Variants in MYO9A observed in about 807,000 individuals in gnomAD.
The protein encoded by MYO9A is myosin IXA, also known as unconventional myosin-IXa.
MYO9A carries 103 observed loss-of-function variants against 293.3 expected under a neutral mutation model. That is an observed-to-expected ratio of 0.35 (90% confidence interval 0.30 to 0.41). The LOEUF is 0.41. MYO9A is among the 10% of genes least tolerant of loss of function. The pLI, the probability that MYO9A is intolerant of heterozygous loss-of-function variation, is 1.00. For missense variants in MYO9A, 2,685 were observed against 3,033.0 expected (o/e 0.89, Z 2.69); for synonymous variants, 1,001 against 1,035.7 (o/e 0.97, Z 0.64).
At chr15:71,973,485 T>C (rs1165030869) in intron 12 of MYO9A, among the ~76,000 whole-genome samples, 1 of 152,146 alleles carries the variant, frequency 6.6e-6, no homozygotes, top group Admixed American at 6.6e-5. Flanking sequence ...GGCTCACTAC[T>C]AAGCAATCTC....
At chr15:71,960,129 G>GA (rs751660110) in intron 13 of MYO9A, 33 bp from the exon 14 acceptor site, 243 of 1,558,238 alleles carry the variant, frequency 1.6e-4, no homozygotes, top group Middle Eastern at 1.0e-3. Flanking sequence ...TTACTTATGG[G>GA]AAAAAAAAAT....
chr15:71,971,626 C>A (rs1017227421), intron 12 of MYO9A, among the ~76,000 whole-genome samples: 2 of 150,518 alleles, frequency 1.3e-5, no homozygotes, highest in African/African-American at 4.9e-5. Context: ...CAAAGTAATT[C>A]TACTACCTCA....
intron 39 of MYO9A, among the ~76,000 whole-genome samples, chr15:71,846,514 AACTGACTCTTAAAT>A: frequency 6.6e-6 from 1 of 152,232 alleles, no homozygotes; most frequent in Admixed American, 6.5e-5. Flanking sequence ...ATATGAAGAG[AACTGACTCTTAAAT>A]ACTAGAATGA....
intron 11 of MYO9A, among the ~76,000 whole-genome samples, chr15:71,986,588 T>A (rs1427446847): frequency 6.6e-6 from 1 of 152,206 alleles, no homozygotes; most frequent in East Asian, 1.9e-4. Flanking sequence ...TATGCTAATA[T>A]GCTATGGTAA....
At chr15:72,036,534 A>G (rs531256530) in intron 2 of MYO9A, 1 of 151,900 alleles carries the variant, frequency 6.6e-6, no homozygotes, top group East Asian at 1.9e-4. Flanking sequence ...GAAGAGAAAA[A>G]CCAACATCCT....
chr15:71,994,234 A>T (rs1032991380), intron 10 of MYO9A, among the ~76,000 whole-genome samples: 1 of 152,168 alleles, frequency 6.6e-6, no homozygotes, highest in Non-Finnish European at 1.5e-5. Flanking sequence ...GCATGATTCT[A>T]TTTACATTTT....
chr15:71,887,902 G>T, intron 27 of MYO9A, 102 bp downstream of exon 27: 1 of 562,734 alleles, frequency 1.8e-6, no homozygotes, highest in East Asian at 3.2e-5. Context: ...TTTCAAAAGT[G>T]GCCTATCAAT....
intron 18 of MYO9A, among the ~76,000 whole-genome samples, chr15:71,925,389 A>G (rs778091687): frequency 1.1e-4 from 16 of 151,392 alleles, no homozygotes; most frequent in Non-Finnish European, 1.6e-4. Flanking sequence ...ATACGTGTAT[A>G]TGGATATATA....
At chr15:71,935,926 A>ACACT (rs1467853740) in intron 16 of MYO9A, among the ~76,000 whole-genome samples, 2 of 151,456 alleles carry the variant, frequency 1.3e-5, no homozygotes, top group African/African-American at 2.4e-5. Flanking sequence ...ACACACACAC[A>ACACT]CACACTCACT....
At chr15:72,101,029 C>A (rs1275411294) in intron 1 of MYO9A, among the ~76,000 whole-genome samples, 4 of 133,424 alleles carry the variant, frequency 3.0e-5, no homozygotes, top group Non-Finnish European at 6.6e-5. Flanking sequence ...GGCGGGTCAG[C>A]CCCCCGCCCG....
chr15:71,942,433 CATA>C (rs945597963), intron 15 of MYO9A, among the ~76,000 whole-genome samples: 14 of 151,972 alleles, frequency 9.2e-5, no homozygotes, highest in African/African-American at 3.1e-4. Context: ...TTCCTTAATC[CATA>C]ATGTTTTTTA....
chr15:72,103,327 CAGCAGAAGCAGAAGCAGCAGCA>C (rs1869884386), intron 1 of MYO9A, among the ~76,000 whole-genome samples: 1 of 140,480 alleles, frequency 7.1e-6, no homozygotes, highest in African/African-American at 2.7e-5. Flanking sequence ...CAAGCAGCAG[CAGCAGAAGCAGAAGCAGCAGCA>C]AGCAGAGACA....
intron 14 of MYO9A, among the ~76,000 whole-genome samples, chr15:71,953,389 A>C (rs946972584): frequency 6.6e-6 from 1 of 152,250 alleles, no homozygotes; most frequent in Non-Finnish European, 1.5e-5. Context: ...AAATTGAAGA[A>C]GTTATCACTA....
chr15:72,096,766 T>A (rs891861643), intron 1 of MYO9A, among the ~76,000 whole-genome samples: 2 of 152,250 alleles, frequency 1.3e-5, no homozygotes, highest in African/African-American at 2.4e-5. Context: ...AGAACATTCA[T>A]GACTCGTGGG....
chr15:71,870,340 G>A (rs2056468785), intron 32 of MYO9A, among the ~76,000 whole-genome samples: 4 of 152,096 alleles, frequency 2.6e-5, no homozygotes, highest in Admixed American at 2.6e-4. Context: ...AAAGAACTGA[G>A]CAAAGACAAA....
At chr15:71,941,253 C>T (rs748841879) in intron 15 of MYO9A, among the ~76,000 whole-genome samples, 1 of 151,944 alleles carries the variant, frequency 6.6e-6, no homozygotes, top group African/African-American at 2.4e-5. Context: ...CTGGCTAACA[C>T]GGTAAAACCC....
rs1161564840 is a variant in MYO9A at position 72,019,073 on chromosome 15, T to C, written c.1121A>G (p.Gln374Arg). 4 of 1,613,618 alleles carry C rather than the reference T, an allele frequency of 2.5e-6. No individual in the cohort carries two copies. Among genetic ancestry groups the C allele is most frequent in the Non-Finnish European group, 3.4e-6 (4 of 1,179,722 alleles). ...LNQITKKPLRQSWDDYCYDSE... is the reference protein window; with the variant it reads ...LNQITKKPLRRSWDDYCYDSE... ...GTCATAGCAATAATCATCCCAGCTCTGTCTGAGGGGTTTCTTTGTTATCTG... is the reference window on the plus strand; with the variant it reads ...GTCATAGCAATAATCATCCCAGCTCCGTCTGAGGGGTTTCTTTGTTATCTG... Residue 374 changes from glutamine (Q) to arginine (R), a missense_variant, in exon 6 of 42, where the codon CAG becomes CGG. Physicochemically the swap from Gln to Arg is conservative, Grantham distance 43 (BLOSUM62 1). Around this residue, in one of 10 missense-constraint regions of MYO9A, gnomAD observed 289 missense variants for 456.8 expected, o/e 0.63. Coordinates refer to ENST00000356056, the MANE Select transcript of MYO9A (RefSeq NM_006901.4).
intron 1 of MYO9A, among the ~76,000 whole-genome samples, chr15:72,072,875 C>T (rs576234033): frequency 1.3e-5 from 2 of 152,116 alleles, no homozygotes; most frequent in Admixed American, 6.5e-5. Flanking sequence ...GGAACCCGCA[C>T]GTATACACCC....
chr15:72,066,988 T>C (rs1312256349), intron 1 of MYO9A, among the ~76,000 whole-genome samples: 1 of 150,190 alleles, frequency 6.7e-6, no homozygotes, highest in Non-Finnish European at 1.5e-5. Flanking sequence ...ATAATAAATG[T>C]ATTATTATAC....
Sources: gnomAD v4.1 joint callset for allele counts (sites outside exome capture counted in the v4.1 genomes callset) on GRCh38, gnomAD v4.1.1 for gene constraint, gnomAD v4.1.1 regional missense constraint, MANE v1.5 for transcripts, NCBI Gene and HGNC (gene_info 2026-07-23, HGNC 2026-07-21) for gene names.